ZC3H12B: variants seen among roughly 807,000 people sequenced by gnomAD.
The protein encoded by ZC3H12B is zinc finger CCCH-type containing 12B, also known as probable ribonuclease ZC3H12B.
ZC3H12B carries 7 observed loss-of-function variants against 43.9 expected under a neutral mutation model. The observed-to-expected ratio is 0.16, with a 90% CI of 0.09 to 0.30. The LOEUF is 0.30. ZC3H12B is among the 10% of genes least tolerant of loss of function. The pLI is 1.00. For missense variants in ZC3H12B, 475 were observed against 670.2 expected (o/e 0.71, Z 3.22); for synonymous variants, 222 against 241.7 (o/e 0.92, Z 0.76).
At chrX:65,157,596 G>A in the ZC3H12B span, among the ~76,000 whole-genome samples, 1 of 110,933 alleles carries the variant, frequency 9.0e-6, no homozygotes. Flanking sequence ...ATATTACTAT[G>A]TTTAAATATG....
chrX:65,346,412 T>G, the ZC3H12B span, among the ~76,000 whole-genome samples: 1 of 111,637 alleles, frequency 9.0e-6, no homozygotes, highest in Non-Finnish European at 1.9e-5. Flanking sequence ...CTGGAATACC[T>G]GGTTAGCAAT....
chrX:65,234,024 A>G, the ZC3H12B span, among the ~76,000 whole-genome samples: 2 of 111,626 alleles, frequency 1.8e-5, no homozygotes, highest in African/African-American at 6.5e-5. Context: ...CTTCAAGTAC[A>G]GTATTACCCT....
At chrX:65,112,352 GCTGATGGAAAAGCTGCAGCAAGTA>G in the ZC3H12B span, among the ~76,000 whole-genome samples, 2 of 112,343 alleles carry the variant, frequency 1.8e-5, no homozygotes, top group Non-Finnish European at 3.8e-5. Flanking sequence ...AGCAGCAAGT[GCTGATGGAAAAGCTGCAGCAAGTA>G]CTCCACAAGA....
At chrX:65,223,627 A>G in the ZC3H12B span, among the ~76,000 whole-genome samples, 1 of 112,658 alleles carries the variant, frequency 8.9e-6, no homozygotes, top group Non-Finnish European at 1.9e-5. Context: ...AGCAAGAAGT[A>G]AACAAACAAT....
intron 2 of ZC3H12B, among the ~76,000 whole-genome samples, chrX:65,390,267 G>T (rs890369636): frequency 6.3e-5 from 7 of 110,630 alleles, no homozygotes; most frequent in African/African-American, 2.3e-4. Context: ...AGGGTAGGGG[G>T]AGGGGGAGGG....
chrX:65,114,129 A>G, the ZC3H12B span, among the ~76,000 whole-genome samples: 2 of 103,696 alleles, frequency 1.9e-5, no homozygotes, highest in African/African-American at 6.8e-5. Flanking sequence ...GTCATGATAC[A>G]TATTAAAATT....
the ZC3H12B span, among the ~76,000 whole-genome samples, chrX:65,252,722 G>A: frequency 9.0e-6 from 1 of 111,318 alleles, no homozygotes; most frequent in Non-Finnish European, 1.9e-5. Context: ...AGATCTTTTT[G>A]GTCGCTGTCT....
chrX:65,302,674 G>C, the ZC3H12B span, among the ~76,000 whole-genome samples: 2 of 111,814 alleles, frequency 1.8e-5, no homozygotes, highest in Non-Finnish European at 3.8e-5. Flanking sequence ...AAGTTTATAT[G>C]AGAAGGCAAA....
the ZC3H12B span, among the ~76,000 whole-genome samples, chrX:65,198,333 T>C: frequency 1.8e-5 from 2 of 111,914 alleles, no homozygotes; most frequent in Admixed American, 9.5e-5. Flanking sequence ...TATCAACAAG[T>C]TTTTGTACCT....
At chrX:65,087,051 C>T in the ZC3H12B span, among the ~76,000 whole-genome samples, 1 of 110,248 alleles carries the variant, frequency 9.1e-6, no homozygotes, top group Non-Finnish European at 1.9e-5. Context: ...TCTAACACAC[C>T]CAGGCTCTGA....
At chrX:65,103,116 G>T in the ZC3H12B span, among the ~76,000 whole-genome samples, 2 of 111,150 alleles carry the variant, frequency 1.8e-5, no homozygotes, top group East Asian at 5.7e-4. Flanking sequence ...GAATTTCCTC[G>T]TCCTAATAGG....
At chrX:65,149,987 A>G in the ZC3H12B span, among the ~76,000 whole-genome samples, 2 of 109,649 alleles carry the variant, frequency 1.8e-5, no homozygotes, top group African/African-American at 6.6e-5. Context: ...ACCTGACTTT[A>G]TTAAAAACTA....
chrX:65,369,995 G>A (rs937928165), intron 2 of ZC3H12B, among the ~76,000 whole-genome samples: 1 of 111,187 alleles, frequency 9.0e-6, no homozygotes, highest in African/African-American at 3.3e-5. Context: ...GCCTGCAATC[G>A]CAGCATTTTG....
At chrX:65,177,396 C>G in the ZC3H12B span, among the ~76,000 whole-genome samples, 2 of 112,066 alleles carry the variant, frequency 1.8e-5, no homozygotes, top group African/African-American at 6.5e-5. Context: ...CTCACAACTC[C>G]TATTCAACAT....
chrX:65,254,055 G>C, the ZC3H12B span, among the ~76,000 whole-genome samples: 2 of 111,894 alleles, frequency 1.8e-5, no homozygotes, highest in African/African-American at 3.3e-5. Context: ...GGAGACCAGC[G>C]GCCCCAGCTC....
At chrX:65,434,859 G>A (rs2067201968) in intron 3 of ZC3H12B, among the ~76,000 whole-genome samples, 1 of 111,189 alleles carries the variant, frequency 9.0e-6, no homozygotes, top group Non-Finnish European at 1.9e-5. Context: ...CTCAGGCAGA[G>A]GTGGTAAGGC....
chrX:65,131,238 G>T, the ZC3H12B span, among the ~76,000 whole-genome samples: 15 of 111,415 alleles, frequency 1.3e-4, no homozygotes, highest in African/African-American at 4.3e-4. Flanking sequence ...GCCTTTGCTG[G>T]TGAGGGGTGA....
the ZC3H12B span, among the ~76,000 whole-genome samples, chrX:65,354,185 G>A: frequency 1.8e-5 from 2 of 112,184 alleles, no homozygotes; most frequent in Admixed American, 1.9e-4. Context: ...ACACCTCCCA[G>A]CAGGGGTCGA....
the ZC3H12B span, among the ~76,000 whole-genome samples, chrX:65,224,648 G>A: frequency 4.5e-5 from 5 of 111,969 alleles, no homozygotes; most frequent in African/African-American, 1.6e-4. Context: ...GATGGCACCT[G>A]GAAAATCGGG....
Sources: gnomAD v4.1 joint callset for allele counts (sites outside exome capture counted in the v4.1 genomes callset) on GRCh38, gnomAD v4.1.1 for gene constraint, MANE v1.5 for transcripts, NCBI Gene and HGNC (gene_info 2026-07-23, HGNC 2026-07-21) for gene names.